ZNF320: variants seen among roughly 807,000 people sequenced by gnomAD.
The protein encoded by ZNF320 is zinc finger protein 320.
Under a neutral mutation model 6.8 loss-of-function variants are expected in ZNF320, and 2 were observed. The ratio of observed to expected loss-of-function variants is 0.29; its 90% CI spans 0.12 to 0.93. The LOEUF (loss-of-function observed/expected upper bound fraction) is 0.93. ZNF320 is among the 40% of genes least tolerant of loss of function. The probability of loss-of-function intolerance (pLI) is 0.55; values close to 1 mark genes in which losing one functional copy is unlikely to be tolerated. For synonymous variants in ZNF320, 208 were observed against 203.2 expected (o/e 1.02, Z -0.20); for missense variants, 472 against 611.0 (o/e 0.77, Z 2.40).
At chr19:52,864,100 C>T (rs779298351) in exon 6 of ZNF320, 1 of 360,718 alleles carries the variant, frequency 2.8e-6, no homozygotes, top group East Asian at 8.3e-5. Flanking sequence ...GTGCAGGGTC[C>T]AGGCGTTTCC....
At chr19:52,902,219 G>T (rs1401554521), upstream of ZNF320, among the ~76,000 whole-genome samples, 1 of 152,194 alleles carries the variant, frequency 6.6e-6, no homozygotes, top group Non-Finnish European at 1.5e-5. Flanking sequence ...CCTCTCTGCC[G>T]TGAGATACAA....
At chr19:52,898,773 G>C (rs537515389), upstream of ZNF320, among the ~76,000 whole-genome samples, 1 of 152,188 alleles carries the variant, frequency 6.6e-6, no homozygotes, top group African/African-American at 2.4e-5. Context: ...AGAACAGAGC[G>C]GGGAGTTTTA....
exon 6 of ZNF320, chr19:52,862,373 T>C (rs1180212769): frequency 1.2e-5 from 6 of 502,124 alleles, no homozygotes; most frequent in Non-Finnish European, 2.0e-5. Flanking sequence ...CAGTATGAAT[T>C]CACCTATGTC....
chr19:52,868,462 C>T (rs1379021472), intron 5 of ZNF320, among the ~76,000 whole-genome samples: 26 of 150,932 alleles, frequency 1.7e-4, no homozygotes, highest in Admixed American at 6.0e-4. Flanking sequence ...GCTCGGATTG[C>T]GCCACTGTAG....
At chr19:52,865,467 A>G (rs1225881208) in intron 5 of ZNF320, 789 of 43,608 alleles carry the variant, frequency 0.018, 24 homozygotes, top group Middle Eastern at 0.04. Context: ...ACATATATAT[A>G]TATTACATAT....
chr19:52,894,228 T>C (rs1406406274), intron 1 of ZNF320: 1 of 151,692 alleles, frequency 6.6e-6, no homozygotes, highest in Non-Finnish European at 1.5e-5. Flanking sequence ...CTACTAAAAA[T>C]ACAAAGATTA....
chr19:52,886,211 T>G (rs1417637018), intron 5 of ZNF320, among the ~76,000 whole-genome samples: 1 of 152,112 alleles, frequency 6.6e-6, no homozygotes, highest in Non-Finnish European at 1.5e-5. Flanking sequence ...CTTGGCTCAC[T>G]GCAACCTCCA....
rs1303957175 is a variant in ZNF320, at chr19:52,881,734, G to T, written c.392C>A (p.Ala131Asp). 6.2e-7 allele frequency: 1 copy of T among 1,613,806 alleles called. No individual in the cohort carries two copies. The highest frequency in any genetic ancestry group is 1.3e-5 in the African/African-American group (1 of 74,898). Reference protein sequence around the residue: ...SSTDRYDQRHAGNKPIKGQLE... With the variant: ...SSTDRYDQRHDGNKPIKGQLE... Reference sequence around the variant, plus strand: ...CTGACCTTTAATAGGCTTGTTTCCAGCATGCCTTTGATCATATCGGTCTGT... The same window carrying T: ...CTGACCTTTAATAGGCTTGTTTCCATCATGCCTTTGATCATATCGGTCTGT... Residue 131 changes from alanine to aspartate, a missense_variant, in exon 6 of 6, where the codon GCT becomes GAT. By Grantham distance (126) the Ala-to-Asp change is moderately radical. Transcript: ENST00000682928.
At chr19:52,900,912 ATTTTT>A (rs896184684), upstream of ZNF320, among the ~76,000 whole-genome samples, 1 of 109,616 alleles carries the variant, frequency 9.1e-6, no homozygotes, top group Admixed American at 8.3e-5. Flanking sequence ...AGATATACTT[ATTTTT>A]TTTTTTAACT....
chr19:52,897,282 G>T (rs533882543), intron 1 of ZNF320, among the ~76,000 whole-genome samples: 1 of 152,250 alleles, frequency 6.6e-6, no homozygotes, highest in Non-Finnish European at 1.5e-5. Context: ...CCCGGGAACC[G>T]GGGTTGAGGC....
upstream of ZNF320, among the ~76,000 whole-genome samples, chr19:52,901,999 C>CTTT (rs71183853): frequency 6.8e-6 from 1 of 146,600 alleles, no homozygotes. Context: ...ATGAGTTTTT[C>CTTT]TTTTTTTTTT....
intron 5 of ZNF320, among the ~76,000 whole-genome samples, chr19:52,887,633 C>T (rs572920736): frequency 6.6e-6 from 1 of 152,318 alleles, no homozygotes; most frequent in Admixed American, 6.5e-5. Flanking sequence ...GTCGTCTGGG[C>T]TGGAGTGCAG....
intron 5 of ZNF320, among the ~76,000 whole-genome samples, chr19:52,866,775 C>T (rs1192752856): frequency 2.0e-5 from 3 of 149,362 alleles, no homozygotes; most frequent in Admixed American, 1.4e-4. Flanking sequence ...TTGGCCGAGG[C>T]TAGAAAATCA....
intron 5 of ZNF320, chr19:52,883,703 G>T (rs1321122832): frequency 2.4e-6 from 1 of 415,048 alleles, no homozygotes; most frequent in Admixed American, 2.9e-5. Flanking sequence ...TTTGAGACCA[G>T]CCTGGAACAA....
exon 6 of ZNF320, chr19:52,862,340 C>T: frequency 1.5e-5 from 8 of 523,840 alleles, no homozygotes; most frequent in South Asian, 1.1e-4. Context: ...TATCACAAAC[C>T]TTACATTTGT....
chr19:52,868,965 G>A (rs1208790050), intron 5 of ZNF320, among the ~76,000 whole-genome samples: 1 of 152,064 alleles, frequency 6.6e-6, no homozygotes. Context: ...GGGGAAATTG[G>A]GGTGTTCACT....
At chr19:52,897,107 C>T (rs1225271702) in intron 1 of ZNF320, among the ~76,000 whole-genome samples, 1 of 152,220 alleles carries the variant, frequency 6.6e-6, no homozygotes, top group Non-Finnish European at 1.5e-5. Flanking sequence ...GACGCTGGCT[C>T]GGGCCCACTC....
At chr19:52,871,477 C>T (rs1453382390), downstream of ZNF320, among the ~76,000 whole-genome samples, 5 of 152,068 alleles carry the variant, frequency 3.3e-5, no homozygotes, top group Non-Finnish European at 7.4e-5. Context: ...CAAGACTTTA[C>T]CACTGCATTC....
In ZNF320 at chr19:52,867,095, T is replaced by C. The variant is rs186619077; in HGVS notation, c.224-2936A>G. On this transcript the variant is annotated intron_variant, in intron 5 of 5. Transcript: ENST00000673631. ...AAAACATAGTATAAAACAAATCGTA[T>C]AATAAAAACATAAAAAAAGATGCAG... is the stretch of plus-strand genomic sequence containing the variant. Among the ~76,000 whole-genome samples the C allele has an allele frequency of 5.3e-3, 811 of 152,128 alleles. 10 individuals are homozygous for C. The highest frequency in any genetic ancestry group is 0.017 in the African/African-American group (692 of 41,528).
Sources: allele counts gnomAD v4.1 joint callset (sites outside exome capture counted in the v4.1 genomes callset), GRCh38; gene constraint gnomAD v4.1.1; transcripts MANE v1.5; gene names NCBI Gene and HGNC (gene_info 2026-07-23, HGNC 2026-07-21).